The following GRID2 variants were observed in gnomAD, a reference collection of about 807,000 sequenced individuals.
GRID2 encodes the protein glutamate ionotropic receptor delta type subunit 2.
Under a neutral mutation model 114.8 loss-of-function variants are expected in GRID2, and 33 were observed. The ratio of observed to expected loss-of-function variants is 0.29; its 90% CI spans 0.22 to 0.38. GRID2 has a LOEUF of 0.38. GRID2 is among the 10% of genes least tolerant of loss of function. The pLI is 1.00. For missense variants in GRID2, 1,184 were observed against 1,257.7 expected, an observed-to-expected ratio of 0.94 and a Z score of 0.89; for synonymous variants, 505 against 449.9, an observed-to-expected ratio of 1.12 and a Z score of -1.55.
At chr4:92,460,004 A>G (rs970561132) in intron 1 of GRID2, among the ~76,000 whole-genome samples, 1 of 131,790 alleles carries the variant, frequency 7.6e-6, no homozygotes, top group Non-Finnish European at 1.6e-5. Flanking sequence ...CCGCAACTGC[A>G]TGAGCCCATT....
At chr4:93,711,214 C>G (rs539142570) in intron 14 of GRID2, among the ~76,000 whole-genome samples, 1 of 152,228 alleles carries the variant, frequency 6.6e-6, no homozygotes, top group African/African-American at 2.4e-5. Context: ...CTGGGTATTG[C>G]CCAACACCTG....
At chr4:92,366,151 T>A (rs1432584663) in intron 1 of GRID2, among the ~76,000 whole-genome samples, 4 of 152,062 alleles carry the variant, frequency 2.6e-5, no homozygotes, top group Non-Finnish European at 4.4e-5. Flanking sequence ...AATACTTTCT[T>A]TTTTGTAGAT....
At chr4:92,438,532 A>T (rs1171259828) in intron 1 of GRID2, among the ~76,000 whole-genome samples, 1 of 151,678 alleles carries the variant, frequency 6.6e-6, no homozygotes, top group African/African-American at 2.4e-5. Flanking sequence ...TACTGTAAGG[A>T]TTCTATTAAT....
intron 4 of GRID2, among the ~76,000 whole-genome samples, chr4:93,114,572 C>A (rs1346882537): frequency 6.6e-6 from 1 of 152,110 alleles, no homozygotes; most frequent in Admixed American, 6.6e-5. Context: ...GAATGGCAGA[C>A]AGAATGTGAA....
At chr4:93,114,832 G>T (rs997234245) in intron 4 of GRID2, among the ~76,000 whole-genome samples, 1 of 152,176 alleles carries the variant, frequency 6.6e-6, no homozygotes, top group Non-Finnish European at 1.5e-5. Flanking sequence ...AATTATTTCT[G>T]TGTGACCTAG....
At chr4:92,850,235 G>C (rs1406822255) in intron 2 of GRID2, among the ~76,000 whole-genome samples, 1 of 151,102 alleles carries the variant, frequency 6.6e-6, no homozygotes, top group East Asian at 1.9e-4. Flanking sequence ...ACTACATACT[G>C]GTTCTATTTA....
intron 2 of GRID2, among the ~76,000 whole-genome samples, chr4:92,653,085 A>G (rs867506956): frequency 3.4e-5 from 5 of 147,702 alleles, no homozygotes; most frequent in Middle Eastern, 3.5e-3. Flanking sequence ...TGCAACCTCC[A>G]CCTCCCAGGT....
chr4:93,383,082 G>A (rs750851277), intron 8 of GRID2, among the ~76,000 whole-genome samples: 1 of 151,952 alleles, frequency 6.6e-6, no homozygotes, highest in Non-Finnish European at 1.5e-5. Context: ...AAATGTCTTA[G>A]TATTTAATGT....
intron 4 of GRID2, among the ~76,000 whole-genome samples, chr4:93,153,496 A>T (rs1263675360): frequency 6.6e-6 from 1 of 152,028 alleles, no homozygotes; most frequent in Non-Finnish European, 1.5e-5. Context: ...TTTCCTAAGC[A>T]TGGTGGTGAA....
chr4:93,682,263 T>C (rs1336942135), intron 14 of GRID2, among the ~76,000 whole-genome samples: 1 of 148,524 alleles, frequency 6.7e-6, no homozygotes, highest in Admixed American at 6.7e-5. Flanking sequence ...ATGGCAATCA[T>C]TAAAAAGTCA....
chr4:93,566,280 A>G (rs1385615681), intron 13 of GRID2, among the ~76,000 whole-genome samples: 2 of 152,184 alleles, frequency 1.3e-5, no homozygotes, highest in African/African-American at 4.8e-5. Flanking sequence ...TCAAAAGGTT[A>G]CAAACTCTAT....
chr4:93,463,964 G>A (rs1435119277), intron 11 of GRID2, among the ~76,000 whole-genome samples: 1 of 151,912 alleles, frequency 6.6e-6, no homozygotes, highest in Admixed American at 6.6e-5. Flanking sequence ...ACTCCAGCCT[G>A]GGCGACACAG....
intron 13 of GRID2, among the ~76,000 whole-genome samples, chr4:93,595,755 T>C (rs1001912590): frequency 6.6e-6 from 1 of 152,212 alleles, no homozygotes; most frequent in African/African-American, 2.4e-5. Flanking sequence ...CTTCCAATAT[T>C]TTAAGATTCC....
chr4:93,099,162 CTT>C (rs1731487706), intron 3 of GRID2, among the ~76,000 whole-genome samples: 1 of 151,860 alleles, frequency 6.6e-6, no homozygotes, highest in African/African-American at 2.4e-5. Flanking sequence ...CATGATGACT[CTT>C]TGGTAGAAGG....
At chr4:93,269,626 G>GT (rs897569367) in intron 8 of GRID2, among the ~76,000 whole-genome samples, 24 of 152,310 alleles carry the variant, frequency 1.6e-4, no homozygotes, top group African/African-American at 5.3e-4. Flanking sequence ...GTGGCTTTCT[G>GT]TTTGTAAAAT....
At chr4:93,688,214 AT>A (rs534218540) in intron 14 of GRID2, among the ~76,000 whole-genome samples, 36 of 151,338 alleles carry the variant, frequency 2.4e-4, no homozygotes, top group East Asian at 2.3e-3. Flanking sequence ...GAAAAACAGT[AT>A]TTTTTTTTCT....
At chr4:92,483,566 G>C (rs1310953565) in intron 1 of GRID2, among the ~76,000 whole-genome samples, 1 of 152,114 alleles carries the variant, frequency 6.6e-6, no homozygotes, top group African/African-American at 2.4e-5. Flanking sequence ...ATCAAAGCTA[G>C]AGTAAAATCC....
intron 1 of GRID2, among the ~76,000 whole-genome samples, chr4:92,578,113 C>A (rs62310094): frequency 0.19 from 17,592 of 92,470 alleles, 2,693 homozygotes; most frequent in African/African-American, 0.36. Flanking sequence ...TCTTCTTCTT[C>A]TTTTTCTTAT....
chr4:93,333,176 G>GCT (rs1758682541), intron 8 of GRID2, among the ~76,000 whole-genome samples: 1 of 151,650 alleles, frequency 6.6e-6, no homozygotes, highest in African/African-American at 2.4e-5. Flanking sequence ...CTTCTGATAT[G>GCT]TTTTTTTAAC....
Sources: gnomAD v4.1 joint callset for allele counts (sites outside exome capture counted in the v4.1 genomes callset) on GRCh38, gnomAD v4.1.1 for gene constraint, MANE v1.5 for transcripts, NCBI Gene and HGNC (gene_info 2026-07-23, HGNC 2026-07-21) for gene names.